TOPORS: variants seen among roughly 807,000 people sequenced by gnomAD.
The protein encoded by TOPORS is TOP1 binding arginine/serine rich protein, E3 ubiquitin ligase, also known as E3 ubiquitin-protein ligase Topors.
Under a neutral mutation model 81.4 loss-of-function variants are expected in TOPORS, and 25 were observed. The observed-to-expected ratio is 0.31, with a 90% CI of 0.22 to 0.43. TOPORS has a LOEUF of 0.43. TOPORS is among the 20% of genes least tolerant of loss of function. TOPORS has a pLI of 1.00. For synonymous variants in TOPORS, 473 were observed against 456.6 expected (o/e 1.04, Z -0.46); for missense variants, 1,101 against 1,267.0 (o/e 0.87, Z 1.99).
In TOPORS at chr9:32,550,730, G is replaced by C. The variant is rs574887826; in HGVS notation, c.198+44C>G. ...TCCAGGCGGGAGCGCCAACTCCCAC[G>C]GCCCTTCCGACCCCCGCGTCCCATT... On this transcript the variant is annotated intron_variant, in intron 2 of 2. Coordinates refer to ENST00000360538, the MANE Select transcript of TOPORS (RefSeq NM_005802.5). 1.2e-5 allele frequency: 20 copies of C among 1,607,094 alleles called. No individual in the cohort carries two copies. In the African/African-American group the frequency reaches 2.5e-4, roughly 20 times the overall value.
In TOPORS at chr9:32,548,641, G is replaced by A. The variant is rs149048810; in HGVS notation, c.198+2133C>T. On this transcript the variant is annotated intron_variant, in intron 2 of 2. Transcript: ENST00000360538. ...CACAGTGCTTCAGGTTCTGTAAGAA[G>A]CCTGTGTTACGGGTTTTCCATCCTA... Among the ~76,000 whole-genome samples the A allele has an allele frequency of 3.2e-3, 489 of 152,320 alleles. 2 individuals carry two copies. The highest frequency in any genetic ancestry group is 0.011 in the African/African-American group (466 of 41,568).
At chr9:32,550,516 G>C (rs181058930) in intron 2 of TOPORS, among the ~76,000 whole-genome samples, 3 of 152,334 alleles carry the variant, frequency 2.0e-5, no homozygotes, top group African/African-American at 7.2e-5. Flanking sequence ...TTTTCCCTGA[G>C]ACCAAGCTCT....
chr9:32,549,243 C>T (rs1029800590), intron 2 of TOPORS, among the ~76,000 whole-genome samples: 3 of 152,012 alleles, frequency 2.0e-5, no homozygotes, highest in Non-Finnish European at 4.4e-5. Flanking sequence ...GCAGGCGGAG[C>T]TTGCAGTGAG....
chr9:32,543,693 A>G lies in TOPORS; in HGVS notation c.832T>C (p.Tyr278His). The G allele has an allele frequency of 6.2e-7, 1 of 1,613,184 alleles. No individual in the cohort carries two copies. Residue 278 changes from tyrosine (Y) to histidine (H), a missense_variant, in exon 3 of 3, where the codon TAC becomes CAC. Coordinates refer to ENST00000360538, the MANE Select transcript of TOPORS (RefSeq NM_005802.5). This position sits in a 1 kb window ranked among gnomAD's most constrained non-coding sequence, Gnocchi z 5.6. ...RVRNIEDGGRYRDISAEFFRR... is the reference protein window; with the variant it reads ...RVRNIEDGGRHRDISAEFFRR... ...AAAAATTCAGCTGAAATATCCCTGT[A>G]GCGGCCACCATCTTCAATATTTCTA...
In TOPORS at chr9:32,542,499, C is replaced by T; in HGVS notation, c.2026G>A (p.Asp676Asn). The T allele has an allele frequency of 6.2e-7, 1 of 1,613,988 alleles. No homozygotes were observed. Among genetic ancestry groups the T allele is most frequent in the Non-Finnish European group, 8.5e-7 (1 of 1,180,032 alleles). The change falls in exon 3 of 3, where the codon GAT (aspartate) becomes AAT (asparagine). Residue 676 changes from aspartate to asparagine, a missense_variant. This residue lies in a region of TOPORS where 605 missense variants were observed against 636.1 expected (regional missense o/e 0.95). Coordinates refer to ENST00000360538, the MANE Select transcript of TOPORS (RefSeq NM_005802.5). ...STSRSRSRSSDHGKRRSRSRN... is the reference protein window; with the variant it reads ...STSRSRSRSSNHGKRRSRSRN... The stretch of plus-strand genomic sequence containing the variant: ...CTCCGTGATCTTCTTTTACCATGAT[C>T]ACTGCTACGAGACCTTGATCTGCTT...
chr9:32,541,426 T>C lies in TOPORS; in HGVS notation c.3099A>G (p.Leu1033=). 6.2e-7 allele frequency: 1 copy of C among 1,614,200 alleles called. No individual in the cohort carries two copies. Among genetic ancestry groups the C allele is most frequent in the Non-Finnish European group, 8.5e-7 (1 of 1,180,018 alleles). Residue 1033 remains leucine (L), a synonymous_variant, in exon 3 of 3, where the codon TTA becomes TTG. Coordinates refer to ENST00000360538, the MANE Select transcript of TOPORS (RefSeq NM_005802.5). ...AGTCTCTACCAAGACATACTGACAT[T>C]AATGATGTCCGTGGCGATGGCAATT... The part of the protein sequence containing the change: ...SRQLPSPRTS[L]MSVCLGRDCD...
In TOPORS at chr9:32,541,761, C is replaced by T; in HGVS notation, c.2764G>A (p.Glu922Lys). Residue 922 changes from glutamate (E) to lysine (K), a missense_variant, in exon 3 of 3, where the codon GAG becomes AAG. Glu to Lys is a moderately conservative substitution (Grantham distance 56, BLOSUM62 1). Around this residue, in one of 9 missense-constraint regions of TOPORS, gnomAD observed 605 missense variants for 636.1 expected, o/e 0.95. Coordinates refer to ENST00000360538, the MANE Select transcript of TOPORS (RefSeq NM_005802.5). ...CCACTATTGTCACATTCTGTATCCTCCTTTACTTCAGAATCCTTATCACTG... is the reference window on the plus strand; with the variant it reads ...CCACTATTGTCACATTCTGTATCCTTCTTTACTTCAGAATCCTTATCACTG... ...SDSDKDSEVK[E>K]DTECDNSGPQ... 6.2e-7 allele frequency: 1 copy of T among 1,614,196 alleles called. No homozygotes were observed. Among genetic ancestry groups the T allele is most frequent in the Non-Finnish European group, 8.5e-7 (1 of 1,180,028 alleles).
chr9:32,551,860 C>T, intron 1 of TOPORS: 1 of 424,864 alleles, frequency 2.4e-6, no homozygotes, highest in Non-Finnish European at 4.8e-6. Context: ...CTATACGTTT[C>T]TGAAGAATGG....
intron 1 of TOPORS, chr9:32,551,518 T>C (rs1821259323): frequency 1.9e-5 from 5 of 268,508 alleles, no homozygotes; most frequent in Non-Finnish European, 3.1e-5. Context: ...GACTCCTCCC[T>C]AAACAGACCA....
chr9:32,544,440 G>T, intron 2 of TOPORS, 114 bp from the exon 3 acceptor site: 2 of 1,037,790 alleles, frequency 1.9e-6, no homozygotes, highest in Non-Finnish European at 2.8e-6. Context: ...ATACTTAAGT[G>T]ACCCATTACT....
chr9:32,543,963 G>A lies in TOPORS; in HGVS notation c.562C>T (p.Arg188Ter), dbSNP rs893979246. 1.2e-6 allele frequency: 2 copies of A among 1,614,074 alleles called. No individual in the cohort carries two copies. The highest frequency in any genetic ancestry group is 1.1e-5 in the South Asian group (1 of 91,072). The part of the protein sequence containing the change: ...FRYRTTLTRE[R>*]NASVYSPSGP... Reference sequence around the variant, plus strand: ...CTAGGTGAATACACAGAAGCATTTCGTTCCCTTGTCAGAGTTGTACGGTAG... The same window carrying A: ...CTAGGTGAATACACAGAAGCATTTCATTCCCTTGTCAGAGTTGTACGGTAG... Residue 188 changes from arginine (R) to a stop codon, truncating the protein, a stop_gained, in exon 3 of 3, where the codon CGA (arginine) becomes TGA (stop). Transcript: ENST00000360538. LOFTEE classifies it high-confidence loss of function. This position sits in a 1 kb window ranked among gnomAD's most constrained non-coding sequence, Gnocchi z 5.6.
rs371453396 is a variant in TOPORS at position 32,543,543 on chromosome 9, G to A, written c.982C>T (p.Arg328Cys). 4.3e-6 allele frequency: 7 copies of A among 1,613,756 alleles called. No homozygotes were observed. Among genetic ancestry groups the A allele is most frequent in the African/African-American group, 2.7e-5 (2 of 74,916 alleles). The change falls in exon 3 of 3, where the codon CGC becomes TGC. Residue 328 changes from arginine to cysteine, a missense_variant. By Grantham distance (180) the Arg-to-Cys change is radical. Transcript: ENST00000360538. The surrounding 1 kb of genome is among the most constrained non-coding windows in gnomAD (Gnocchi z 5.6). Reference sequence around the variant, plus strand: ...AATGCCTGACTCTCCAAGTCATAGCGAGTAACATTACTCATGATAATATGC... The same window carrying A: ...AATGCCTGACTCTCCAAGTCATAGCAAGTAACATTACTCATGATAATATGC... The part of the protein sequence containing the change: ...VQHIIMSNVT[R>C]YDLESQAFVS...
intron 2 of TOPORS, 126 bp downstream of exon 2, chr9:32,550,648 C>T (rs919954425): frequency 1.8e-6 from 2 of 1,092,906 alleles, no homozygotes; most frequent in Admixed American, 2.5e-5. Context: ...CCTGGCCCGC[C>T]GAGGCCCGGA....
rs1292585536 is a variant in TOPORS at position 32,552,467 on chromosome 9, G to T, written c.-31C>A. On this transcript the variant is annotated 5_prime_UTR_variant, in exon 1 of 3. Transcript: ENST00000360538. ...CAGTAAGTCGTCGCACGCTGGACTG[G>T]ATTTATTCAGTGGTAAGTCCCGGGG... 2 of 1,599,522 alleles carry T rather than the reference G, an allele frequency of 1.3e-6. No homozygotes were observed. Among genetic ancestry groups the T allele is most frequent in the Admixed American group, 3.5e-5 (2 of 57,926 alleles).
rs1563988774 is a variant in TOPORS at position 32,552,531 on chromosome 9, G to A, written c.-95C>T. The A allele has an allele frequency of 1.3e-6, 2 of 1,510,194 alleles. No homozygotes were observed. Among genetic ancestry groups the A allele is most frequent in the Non-Finnish European group, 1.8e-6 (2 of 1,106,654 alleles). 93.5% of individuals were successfully genotyped at this position (1,510,194 alleles called of 1,614,324 possible). A position where few individuals can be genotyped will look rare whatever the true frequency, so the allele number is the denominator to read the frequency against. On this transcript the variant is annotated 5_prime_UTR_variant, in exon 1 of 3. Coordinates refer to ENST00000360538, the MANE Select transcript of TOPORS (RefSeq NM_005802.5). ...ACCGTGTCGACTCACTGGGCCCGCAGGCGGAAAGGCCCTATTTCTTCAGCA... is the reference window on the plus strand; with the variant it reads ...ACCGTGTCGACTCACTGGGCCCGCAAGCGGAAAGGCCCTATTTCTTCAGCA...
rs182327143 is a variant in TOPORS, at chr9:32,547,790, C to T, written c.198+2984G>A. Among the ~76,000 whole-genome samples, 791 of 152,134 alleles carry T rather than the reference C, an allele frequency of 5.2e-3. 5 individuals are homozygous for T. The highest frequency in any genetic ancestry group is 0.018 in the African/African-American group (749 of 41,512). On this transcript the variant is annotated intron_variant, in intron 2 of 2. Transcript: ENST00000360538. ...GTAAATATACTAAAAAATCATTGAC[C>T]TACAAACTTTAAACGGGTGAACTTT...
At position 32,541,777 on chromosome 9, in the gene TOPORS, C is replaced by T; in HGVS notation, c.2748G>A (p.Lys916=). ...VVITIDSDSD[K]DSEVKEDTEC... ...CTGTATCCTCCTTTACTTCAGAATC[C>T]TTATCACTGTCACTGTCAATGGTAA... The change falls in exon 3 of 3, where the codon AAG becomes AAA. Residue 916 remains lysine (K), a synonymous_variant. Transcript: ENST00000360538. 1.2e-6 allele frequency: 2 copies of T among 1,614,166 alleles called. No homozygotes were observed. The highest frequency in any genetic ancestry group is 1.7e-6 in the Non-Finnish European group (2 of 1,180,026).
intron 1 of TOPORS, chr9:32,551,720 C>T: frequency 2.5e-6 from 1 of 405,580 alleles, no homozygotes; most frequent in South Asian, 1.7e-5. Context: ...AACTGCCGTG[C>T]TCGGGGCTTA....
In TOPORS at chr9:32,541,901, G is replaced by C. The variant is rs868351393; in HGVS notation, c.2624C>G (p.Ala875Gly). ...LSVEIVYEGKATDTTKHHKKK... is the reference protein window; with the variant it reads ...LSVEIVYEGKGTDTTKHHKKK... ...TTTATGGTGTTTAGTTGTATCAGTA[G>C]CTTTTCCTTCATAAACTATCTCTAC... Residue 875 changes from alanine (A) to glycine (G), a missense_variant, in exon 3 of 3, where the codon GCT becomes GGT. Around this residue, in one of 9 missense-constraint regions of TOPORS, gnomAD observed 605 missense variants for 636.1 expected, o/e 0.95. Coordinates refer to ENST00000360538, the MANE Select transcript of TOPORS (RefSeq NM_005802.5). 1.9e-6 allele frequency: 3 copies of C among 1,613,884 alleles called. No homozygotes were observed. The highest frequency in any genetic ancestry group is 2.5e-6 in the Non-Finnish European group (3 of 1,179,990).
Sources: gnomAD v4.1 joint callset for allele counts (sites outside exome capture counted in the v4.1 genomes callset) on GRCh38, gnomAD v4.1.1 for gene constraint, gnomAD v4.1.1 regional missense constraint, Gnocchi (gnomAD v3.1) non-coding constraint, MANE v1.5 for transcripts, NCBI Gene and HGNC (gene_info 2026-07-23, HGNC 2026-07-21) for gene names.